MYBPC1: variants seen among roughly 807,000 people sequenced by gnomAD.
The protein encoded by MYBPC1 is myosin-binding protein C, slow-type.
A neutral mutation model predicts 147.1 loss-of-function variants in MYBPC1; 52 were observed. The observed-to-expected ratio is 0.35, with a 90% CI of 0.28 to 0.45. MYBPC1 has a LOEUF of 0.45. Ranked by LOEUF, MYBPC1 falls within the 20% of genes least tolerant of loss-of-function variation. The probability of loss-of-function intolerance (pLI) is 1.00; values close to 1 mark genes in which losing one functional copy is unlikely to be tolerated. For missense variants in MYBPC1, 1,228 were observed against 1,440.3 expected (o/e 0.85, Z 2.39); for synonymous variants, 477 against 475.9 (o/e 1.00, Z -0.03).
At chr12:101,620,214 T>C (rs1887062405) in intron 3 of MYBPC1, among the ~76,000 whole-genome samples, 1 of 152,198 alleles carries the variant, frequency 6.6e-6, no homozygotes, top group South Asian at 2.1e-4. Context: ...GATGTGCAAA[T>C]CTCCTTTAGA....
At chr12:101,650,882 A>AATCTGATGAG in intron 15 of MYBPC1, 1 of 345,040 alleles carries the variant, frequency 2.9e-6, no homozygotes. Context: ...GATTATTCAA[A>AATCTGATGAG]ATCTGATGAG....
At chr12:101,623,175 C>G (rs893509966) in intron 3 of MYBPC1, among the ~76,000 whole-genome samples, 1 of 152,108 alleles carries the variant, frequency 6.6e-6, no homozygotes, top group Non-Finnish European at 1.5e-5. Context: ...CCTGTCTCTA[C>G]TAAAAATACA....
At chr12:101,634,238 CCTCCCTGAT>C (rs1890557225) in intron 8 of MYBPC1, among the ~76,000 whole-genome samples, 1 of 152,132 alleles carries the variant, frequency 6.6e-6, no homozygotes, top group African/African-American at 2.4e-5. Context: ...TCTGGGTGCC[CCTCCCTGAT>C]CTGGTGGATC....
chr12:101,626,858 A>G lies in MYBPC1; in HGVS notation c.104-14A>G, dbSNP rs774765738. 2 of 1,609,452 alleles carry G rather than the reference A, an allele frequency of 1.2e-6. No homozygotes were observed. The highest frequency in any genetic ancestry group is 1.7e-6 in the Non-Finnish European group (2 of 1,175,852). ...CTTTTCTCCTTGACTTTTTACTCCT[A>G]TTTCTTGTTTCAGATGAAGAGGAAG... On this transcript the variant is annotated splice_polypyrimidine_tract_variant and intron_variant, in intron 3 of 31. Transcript: ENST00000361466.
At chr12:101,609,281 T>C (rs1292055515) in intron 1 of MYBPC1, among the ~76,000 whole-genome samples, 1 of 151,866 alleles carries the variant, frequency 6.6e-6, no homozygotes, top group African/African-American at 2.4e-5. Flanking sequence ...ATCTTTTTAG[T>C]TTTAAAATTA....
Position 101,621,983 on chromosome 12 carries a change from A to C in MYBPC1, c.103+4740A>C, listed in dbSNP as rs148277476. On this transcript the variant is annotated intron_variant, in intron 3 of 31. Transcript: ENST00000361466. The stretch of plus-strand genomic sequence containing the variant: ...GTCTTACAAATGCTATTTTCCCATG[A>C]CTTACAGATGAATAAAATTCTGCTT... 3.7e-3 allele frequency among the ~76,000 whole-genome samples: 571 copies of C among 152,302 alleles called. 6 individuals carry two copies. The highest frequency in any genetic ancestry group is 0.013 in the African/African-American group (552 of 41,564).
rs192569541 is a variant in MYBPC1, at chr12:101,685,879, C to A, written c.*317C>A. 85 of 482,182 alleles carry A rather than the reference C, an allele frequency of 1.8e-4. No individual in the cohort carries two copies. Among genetic ancestry groups the A allele is most frequent in the Admixed American group, 3.7e-4 (10 of 27,146 alleles). The allele number at this position is 482,182 out of a possible 1,614,324, so 29.9% of individuals were successfully genotyped here. Reference sequence around the variant, plus strand: ...TTGCAAACAAAATCTCATTTGAAGTCAGCACTTTGGTCATTATTATCTCTG... The same window carrying A: ...TTGCAAACAAAATCTCATTTGAAGTAAGCACTTTGGTCATTATTATCTCTG... On this transcript the variant is annotated 3_prime_UTR_variant, in exon 32 of 32. Coordinates refer to ENST00000361466, the MANE Select transcript of MYBPC1 (RefSeq NM_002465.4).
At chr12:101,634,284 A>G (rs1890564689) in intron 8 of MYBPC1, among the ~76,000 whole-genome samples, 1 of 152,184 alleles carries the variant, frequency 6.6e-6, no homozygotes, top group South Asian at 2.1e-4. Context: ...AGGATCAAGA[A>G]ACTGATATAT....
chr12:101,608,197 A>G (rs1465193082), intron 1 of MYBPC1, among the ~76,000 whole-genome samples: 2 of 152,238 alleles, frequency 1.3e-5, no homozygotes, highest in Non-Finnish European at 1.5e-5. Context: ...GTATATGTTC[A>G]TTAGAAAGGA....
chr12:101,605,386 T>C (rs1012215460), intron 1 of MYBPC1, among the ~76,000 whole-genome samples: 4 of 152,198 alleles, frequency 2.6e-5, no homozygotes, highest in South Asian at 2.1e-4. Flanking sequence ...CCAAAGAGAT[T>C]TGCAATAAAT....
At chr12:101,630,717 T>C (rs1423891007) in intron 6 of MYBPC1, among the ~76,000 whole-genome samples, 1 of 152,188 alleles carries the variant, frequency 6.6e-6, no homozygotes. Context: ...TCAGAATTTA[T>C]AGTCTGAGAG....
At chr12:101,599,269 A>C (rs1373518848) in intron 1 of MYBPC1, among the ~76,000 whole-genome samples, 1 of 152,196 alleles carries the variant, frequency 6.6e-6, no homozygotes, top group East Asian at 1.9e-4. Context: ...TCTACATTTC[A>C]ATAGGAATAG....
rs79333438 is a variant in MYBPC1, at chr12:101,647,225, T to C, written c.1090+338T>C. ...TCTTGAAACCAGCTTCATTAATAAGTGGTTGGTACCAAGCACACTGAAAAT... is the reference window on the plus strand; with the variant it reads ...TCTTGAAACCAGCTTCATTAATAAGCGGTTGGTACCAAGCACACTGAAAAT... On this transcript the variant is annotated intron_variant, in intron 13 of 31. Transcript: ENST00000361466. 3.9e-3 allele frequency among the ~76,000 whole-genome samples: 587 copies of C among 152,326 alleles called. 7 individuals are homozygous for C. Among genetic ancestry groups the C allele is most frequent in the African/African-American group, 0.013 (549 of 41,576 alleles).
At chr12:101,684,893 T>C (rs1273191554) in intron 31 of MYBPC1, among the ~76,000 whole-genome samples, 1 of 152,204 alleles carries the variant, frequency 6.6e-6, no homozygotes, top group Non-Finnish European at 1.5e-5. Context: ...AGTAAAGCAC[T>C]TCACTAAAGG....
intron 3 of MYBPC1, among the ~76,000 whole-genome samples, chr12:101,623,809 T>C (rs1327669779): frequency 6.6e-6 from 1 of 152,216 alleles, no homozygotes; most frequent in Non-Finnish European, 1.5e-5. Flanking sequence ...AGTAATATTA[T>C]GGGAAAATTG....
chr12:101,694,249 G>T, the MYBPC1 span, among the ~76,000 whole-genome samples: 5 of 152,200 alleles, frequency 3.3e-5, no homozygotes, highest in African/African-American at 7.2e-5. Flanking sequence ...ACCACTATCA[G>T]GATTGTACTT....
chr12:101,605,196 G>A (rs574951739), intron 1 of MYBPC1, among the ~76,000 whole-genome samples: 2 of 152,334 alleles, frequency 1.3e-5, no homozygotes, highest in South Asian at 4.1e-4. Context: ...TAGGGTAGGT[G>A]TTACTAGACA....
chr12:101,631,728 C>G lies in MYBPC1; in HGVS notation c.438+9C>G, dbSNP rs186857045. ...TTGAGAGGCACAGTCGGGTAAGGCC[C>G]TGAACTCCCAGGACAGGCGCTCAGC... On this transcript the variant is annotated intron_variant, in intron 7 of 31. Transcript: ENST00000361466. 767 of 1,613,992 alleles carry G rather than the reference C, an allele frequency of 4.8e-4. 3 individuals are homozygous for G. In the African/African-American group the frequency reaches 7.6e-3, roughly 16 times the overall value.
chr12:101,636,344 T>G (rs1890982920), intron 9 of MYBPC1, among the ~76,000 whole-genome samples: 1 of 152,198 alleles, frequency 6.6e-6, no homozygotes, highest in Non-Finnish European at 1.5e-5. Flanking sequence ...GCCCCCAACT[T>G]GCAAAAACAA....
Sources: gnomAD v4.1 joint callset for allele counts (sites outside exome capture counted in the v4.1 genomes callset) on GRCh38, gnomAD v4.1.1 for gene constraint, MANE v1.5 for transcripts, NCBI Gene and HGNC (gene_info 2026-07-23, HGNC 2026-07-21) for gene names.